Variants in CDK6 observed in about 807,000 individuals in gnomAD.
The protein encoded by CDK6 is cyclin-dependent kinase 6.
Under a neutral mutation model 37.1 loss-of-function variants are expected in CDK6, and 6 were observed. The observed-to-expected ratio is 0.16, with a 90% CI of 0.09 to 0.32. CDK6 has a LOEUF of 0.32. Among genes scored for constraint, CDK6 ranks in the 10% least tolerant of loss-of-function variants. CDK6 has a pLI of 1.00. For missense variants in CDK6, 224 were observed against 418.9 expected (o/e 0.53, Z 4.06); for synonymous variants, 160 against 161.3 (o/e 0.99, Z 0.06).
At chr7:92,670,388 A>G (rs1797046892) in intron 5 of CDK6, among the ~76,000 whole-genome samples, 1 of 152,234 alleles carries the variant, frequency 6.6e-6, no homozygotes, top group Admixed American at 6.5e-5. Flanking sequence ...AAACCAACCA[A>G]ACAACAAGCA....
chr7:92,619,172 T>C (rs1795749237), intron 6 of CDK6, among the ~76,000 whole-genome samples: 1 of 152,184 alleles, frequency 6.6e-6, no homozygotes, highest in Non-Finnish European at 1.5e-5. Context: ...ACTATTATTA[T>C]AATTAGAAAA....
intron 2 of CDK6, among the ~76,000 whole-genome samples, chr7:92,779,963 A>C (rs534147536): frequency 4.0e-4 from 61 of 152,222 alleles, no homozygotes; most frequent in Non-Finnish European, 7.2e-4. Context: ...TAAAGAGAAA[A>C]CAGAAACTTT....
intron 2 of CDK6, among the ~76,000 whole-genome samples, chr7:92,777,438 G>A (rs1306177043): frequency 6.6e-6 from 1 of 152,162 alleles, no homozygotes; most frequent in Non-Finnish European, 1.5e-5. Flanking sequence ...TAGAGACGGG[G>A]TTACTCCATG....
At chr7:92,634,240 A>AT (rs1195087205) in intron 5 of CDK6, among the ~76,000 whole-genome samples, 4 of 151,920 alleles carry the variant, frequency 2.6e-5, no homozygotes, top group African/African-American at 9.7e-5. Context: ...TCAGGTTACC[A>AT]TTTTTCCCCC....
At chr7:92,678,873 T>C (rs144601899) in intron 4 of CDK6, among the ~76,000 whole-genome samples, 1 of 152,328 alleles carries the variant, frequency 6.6e-6, no homozygotes, top group African/African-American at 2.4e-5. Context: ...GTCAGGATCC[T>C]CAACTCTTTG....
chr7:92,687,288 T>C (rs762358587), intron 4 of CDK6, among the ~76,000 whole-genome samples: 15 of 152,308 alleles, frequency 9.8e-5, no homozygotes, highest in Non-Finnish European at 1.5e-4. Context: ...AATTGAATGC[T>C]ACAGTGGCAG....
chr7:92,713,667 T>TAAAAAAAAAAAAAAAAAAAAAAA (rs535072218), intron 4 of CDK6, among the ~76,000 whole-genome samples: 1 of 67,218 alleles, frequency 1.5e-5, no homozygotes, highest in Non-Finnish European at 3.3e-5. Flanking sequence ...TTAAAAAAAG[T>TAAAAAAAAAAAAAAAAAAAAAAA]AAAAAAAAAA....
chr7:92,815,672 T>C (rs1175754288), intron 2 of CDK6, among the ~76,000 whole-genome samples: 2 of 152,090 alleles, frequency 1.3e-5, no homozygotes, highest in African/African-American at 4.8e-5. Context: ...CTTGCCCAGC[T>C]GGGTAGGCAG....
At chr7:92,724,918 G>T in intron 4 of CDK6, 1 of 645,302 alleles carries the variant, frequency 1.5e-6, no homozygotes, top group South Asian at 6.9e-5. Flanking sequence ...TATTTGGGGT[G>T]CAGAATTTCA....
intron 2 of CDK6, among the ~76,000 whole-genome samples, chr7:92,832,540 G>A (rs1337167981): frequency 1.2e-4 from 18 of 152,122 alleles, no homozygotes; most frequent in Admixed American, 1.3e-4. Flanking sequence ...TTCTTACTAC[G>A]CAACTTTAAT....
At chr7:92,678,874 C>CA (rs1797268689) in intron 4 of CDK6, among the ~76,000 whole-genome samples, 1 of 152,158 alleles carries the variant, frequency 6.6e-6, no homozygotes, top group African/African-American at 2.4e-5. Context: ...TCAGGATCCT[C>CA]AACTCTTTGA....
At chr7:92,779,884 C>A (rs566422981) in intron 2 of CDK6, among the ~76,000 whole-genome samples, 13 of 151,922 alleles carry the variant, frequency 8.6e-5, no homozygotes, top group Non-Finnish European at 1.5e-4. Context: ...ATTTATGATG[C>A]TTTTTTTTGT....
chr7:92,806,488 G>C (rs1210667185), intron 2 of CDK6, among the ~76,000 whole-genome samples: 1 of 152,160 alleles, frequency 6.6e-6, no homozygotes, highest in African/African-American at 2.4e-5. Context: ...ATATGCACGT[G>C]TCCACATGCA....
At chr7:92,669,345 T>C (rs1004644815) in intron 5 of CDK6, among the ~76,000 whole-genome samples, 6 of 152,232 alleles carry the variant, frequency 3.9e-5, no homozygotes, top group African/African-American at 1.4e-4. Context: ...CAAATGGAGA[T>C]TGCCTATACA....
chr7:92,659,956 G>T (rs1796799701), intron 5 of CDK6, among the ~76,000 whole-genome samples: 1 of 152,082 alleles, frequency 6.6e-6, no homozygotes, highest in Admixed American at 6.6e-5. Flanking sequence ...GAACAAGAAG[G>T]GCCGAGAAAT....
chr7:92,829,626 T>C (rs1801425750), intron 2 of CDK6, among the ~76,000 whole-genome samples: 1 of 152,196 alleles, frequency 6.6e-6, no homozygotes, highest in Non-Finnish European at 1.5e-5. Context: ...GGAGCTCAAA[T>C]GTTCACTTAT....
chr7:92,811,102 T>C (rs951782985), intron 2 of CDK6, among the ~76,000 whole-genome samples: 1 of 152,016 alleles, frequency 6.6e-6, no homozygotes. Flanking sequence ...AAAATAATAC[T>C]TTATTGAGAG....
Position 92,725,792 on chromosome 7 carries a change from T to G in CDK6, c.371A>C (p.Asp124Ala), listed in dbSNP as rs1562948147. 16 of 1,605,394 alleles carry G rather than the reference T, an allele frequency of 1.0e-5. No individual in the cohort carries two copies. The highest frequency in any genetic ancestry group is 1.4e-5 in the Non-Finnish European group (16 of 1,176,910). The change falls in exon 4 of 8, where the codon GAT (aspartate) becomes GCT (alanine). Residue 124 changes from aspartate to alanine, a missense_variant and splice_region_variant. Coordinates refer to ENST00000424848, the MANE Select transcript of CDK6 (RefSeq NM_001145306.2). ...EPGVPTETIKDMMFQLLRGLD... is the reference protein window; with the variant it reads ...EPGVPTETIKAMMFQLLRGLD... Reference sequence around the variant, plus strand: ...ACCTCGGAGAAGCTGAAACATCATATCCTAATAAAATTAAAAAAAGAAAAT... The same window carrying G: ...ACCTCGGAGAAGCTGAAACATCATAGCCTAATAAAATTAAAAAAAGAAAAT...
Position 92,833,752 on chromosome 7 carries a change from G to C in CDK6, c.-367-62C>G. 2.4e-6 allele frequency: 1 copy of C among 411,354 alleles called. No homozygotes were observed. 25.5% of individuals were successfully genotyped at this position (411,354 alleles called of 1,614,324 possible). ...ATCAGACAGCCCAGAAGCCTTCCTC[G>C]GGGTTCCTCCAGACTCCCCTCCTCC... On this transcript the variant is annotated intron_variant, in intron 1 of 7. Coordinates refer to ENST00000424848, the MANE Select transcript of CDK6 (RefSeq NM_001145306.2). This position sits in a 1 kb window ranked among gnomAD's most constrained non-coding sequence, Gnocchi z 6.1.
Sources: gnomAD v4.1 joint callset for allele counts (sites outside exome capture counted in the v4.1 genomes callset) on GRCh38, gnomAD v4.1.1 for gene constraint, Gnocchi (gnomAD v3.1) non-coding constraint, MANE v1.5 for transcripts, NCBI Gene and HGNC (gene_info 2026-07-23, HGNC 2026-07-21) for gene names.